The following OSBPL10 variants were observed in gnomAD, a reference collection of about 807,000 sequenced individuals.
OSBPL10 encodes oxysterol-binding protein-related protein 10.
Under a neutral mutation model 81.7 loss-of-function variants are expected in OSBPL10, and 49 were observed. The observed-to-expected ratio is 0.60, with a 90% confidence interval of 0.48 to 0.76. The LOEUF (loss-of-function observed/expected upper bound fraction) is 0.76, where lower values mean the gene tolerates loss of function less well. OSBPL10 is among the 30% of genes least tolerant of loss of function. OSBPL10 has a pLI of 0.00. For missense variants in OSBPL10, 923 were observed against 987.8 expected (o/e 0.93, Z 0.88); for synonymous variants, 419 against 383.6 (o/e 1.09, Z -1.08).
chr3:31,777,869 G>C (rs571398459), intron 4 of OSBPL10, among the ~76,000 whole-genome samples: 1 of 152,236 alleles, frequency 6.6e-6, no homozygotes, highest in Non-Finnish European at 1.5e-5. Flanking sequence ...CCATTCTCCA[G>C]CTCAAGCCCA....
intron 2 of OSBPL10, among the ~76,000 whole-genome samples, chr3:32,010,357 T>G (rs1699242189): frequency 6.6e-6 from 1 of 152,134 alleles, no homozygotes; most frequent in Admixed American, 6.6e-5. Flanking sequence ...TATTTTTTCA[T>G]GGCAGCCCTA....
chr3:31,880,381 A>C (rs1559503259), intron 1 of OSBPL10, among the ~76,000 whole-genome samples: 1 of 152,218 alleles, frequency 6.6e-6, no homozygotes, highest in Non-Finnish European at 1.5e-5. Context: ...GCCCATTCAC[A>C]CGAAGGCAAG....
chr3:31,661,960 C>G lies in OSBPL10; in HGVS notation c.*112G>C. 1 of 1,428,648 alleles carries G rather than the reference C, an allele frequency of 7.0e-7. No homozygotes were observed. Among genetic ancestry groups the G allele is most frequent in the Non-Finnish European group, 9.6e-7 (1 of 1,046,760 alleles). The allele number at this position is 1,428,648 out of a possible 1,614,324, so 88.5% of individuals were successfully genotyped here. The stretch of plus-strand genomic sequence containing the variant: ...ATAATTTCTCTCTCTCTCATCATTT[C>G]TTGGATGCTAATACAAGGTCTCAGT... On this transcript the variant is annotated 3_prime_UTR_variant, in exon 12 of 12. Coordinates refer to ENST00000396556, the MANE Select transcript of OSBPL10 (RefSeq NM_017784.5).
intron 1 of OSBPL10, among the ~76,000 whole-genome samples, chr3:32,076,573 T>C (rs1440158595): frequency 1.3e-5 from 2 of 152,056 alleles, no homozygotes; most frequent in African/African-American, 2.4e-5. Flanking sequence ...TTTTTAACTG[T>C]CCAATGGGTT....
At chr3:31,954,507 G>A (rs1697954910) in intron 1 of OSBPL10, among the ~76,000 whole-genome samples, 1 of 152,176 alleles carries the variant, frequency 6.6e-6, no homozygotes, top group South Asian at 2.1e-4. Context: ...CTGACTAGAG[G>A]AAGCCAGACA....
At chr3:32,045,159 C>T (rs529781912) in intron 2 of OSBPL10, among the ~76,000 whole-genome samples, 19 of 152,284 alleles carry the variant, frequency 1.2e-4, no homozygotes, top group African/African-American at 4.3e-4. Flanking sequence ...GAATGAGAAA[C>T]AGTCTGGATG....
At chr3:31,963,248 A>T (rs895555192) in intron 1 of OSBPL10, among the ~76,000 whole-genome samples, 1 of 145,458 alleles carries the variant, frequency 6.9e-6, no homozygotes, top group Non-Finnish European at 1.5e-5. Flanking sequence ...ACATCCATCC[A>T]TCTCCCTCCC....
chr3:31,989,895 C>G (rs1355285683), intron 2 of OSBPL10: 3 of 1,614,030 alleles, frequency 1.9e-6, no homozygotes, highest in Admixed American at 1.7e-5. Context: ...AGAAGCGATA[C>G]CTTGCATGCC....
At chr3:31,776,925 G>T (rs1698563874) in intron 4 of OSBPL10, among the ~76,000 whole-genome samples, 1 of 151,962 alleles carries the variant, frequency 6.6e-6, no homozygotes, top group Non-Finnish European at 1.5e-5. Flanking sequence ...ACTTTAAAAT[G>T]GTTAATATTT....
chr3:31,805,144 A>G (rs1699489754), intron 4 of OSBPL10, among the ~76,000 whole-genome samples: 1 of 152,208 alleles, frequency 6.6e-6, no homozygotes, highest in Non-Finnish European at 1.5e-5. Context: ...AGTTTCTTTA[A>G]AAATGAACCA....
At chr3:31,901,351 G>A (rs1481712475) in intron 1 of OSBPL10, among the ~76,000 whole-genome samples, 1 of 152,198 alleles carries the variant, frequency 6.6e-6, no homozygotes, top group Non-Finnish European at 1.5e-5. Context: ...ATGTAGCTCA[G>A]CTCACCTCTG....
intron 2 of OSBPL10, among the ~76,000 whole-genome samples, chr3:32,031,462 A>ATT (rs758906495): frequency 2.0e-5 from 3 of 149,478 alleles, no homozygotes; most frequent in African/African-American, 7.5e-5. Context: ...TTCTTAAATA[A>ATT]TTTTTTTTTT....
intron 3 of OSBPL10, among the ~76,000 whole-genome samples, chr3:31,856,504 T>C (rs1700915934): frequency 1.3e-5 from 2 of 152,216 alleles, no homozygotes; most frequent in Non-Finnish European, 2.9e-5. Context: ...TTAGATGAGC[T>C]TGTCCAACTT....
chr3:31,946,005 G>A (rs754902305), intron 1 of OSBPL10, among the ~76,000 whole-genome samples: 1 of 150,968 alleles, frequency 6.6e-6, no homozygotes, highest in Admixed American at 6.6e-5. Flanking sequence ...TTCTGAGATG[G>A]GTTTCACTCT....
At chr3:31,685,684 GTCCT>G (rs1700775794) in intron 7 of OSBPL10, among the ~76,000 whole-genome samples, 1 of 152,140 alleles carries the variant, frequency 6.6e-6, no homozygotes, top group Non-Finnish European at 1.5e-5. Flanking sequence ...AACTAATTCT[GTCCT>G]TCCTTTCTGC....
At chr3:32,069,801 A>G (rs1162485453) in intron 1 of OSBPL10, among the ~76,000 whole-genome samples, 2 of 152,234 alleles carry the variant, frequency 1.3e-5, no homozygotes, top group Non-Finnish European at 2.9e-5. Context: ...CGGCTCCAGC[A>G]TATAAGAACT....
At chr3:31,926,289 G>GCTCCCC (rs1553641093) in intron 1 of OSBPL10, among the ~76,000 whole-genome samples, 4 of 130,114 alleles carry the variant, frequency 3.1e-5, no homozygotes, top group Admixed American at 1.6e-4. Flanking sequence ...GGGTGATTTT[G>GCTCCCC]CCCCCCCAGA....
chr3:31,966,648 T>C (rs1439991387), intron 1 of OSBPL10, among the ~76,000 whole-genome samples: 2 of 152,034 alleles, frequency 1.3e-5, no homozygotes, highest in South Asian at 4.1e-4. Flanking sequence ...TAGAAGCAAC[T>C]CTACATACCT....
chr3:31,971,014 C>T (rs919324270), intron 1 of OSBPL10, among the ~76,000 whole-genome samples: 2 of 152,148 alleles, frequency 1.3e-5, no homozygotes, highest in Admixed American at 6.5e-5. Flanking sequence ...CCTGCGACTT[C>T]TGCCCTTTAT....
Sources: allele counts gnomAD v4.1 joint callset (sites outside exome capture counted in the v4.1 genomes callset), GRCh38; gene constraint gnomAD v4.1.1; transcripts MANE v1.5; gene names NCBI Gene and HGNC (gene_info 2026-07-23, HGNC 2026-07-21).